A2M: variants seen among roughly 807,000 people sequenced by gnomAD.
A2M encodes alpha-2-macroglobulin.
Under a neutral mutation model 183.9 loss-of-function variants are expected in A2M, and 128 were observed. The observed-to-expected ratio is 0.70, with a 90% CI of 0.60 to 0.81. The LOEUF (loss-of-function observed/expected upper bound fraction) is 0.81. Among genes scored for constraint, A2M ranks in the 30% least tolerant of loss-of-function variants. The probability of loss-of-function intolerance (pLI) is 0.00; values close to 1 mark genes in which losing one functional copy is unlikely to be tolerated. For missense variants in A2M, 1,495 were observed against 1,787.6 expected (o/e 0.84, Z 2.95); for synonymous variants, 592 against 670.8 (o/e 0.88, Z 1.81).
At position 9,109,424 on chromosome 12, in the gene A2M, G is replaced by A. The variant is rs1938555646; in HGVS notation, c.674-19C>T. ...GGAAGAACTGTTGATTGGTGATAAA[G>A]AAGGTTGGTGATTGGTTTTCAACTT... On this transcript the variant is annotated intron_variant, in intron 6 of 35. Coordinates refer to ENST00000318602, the MANE Select transcript of A2M (RefSeq NM_000014.6). 6.3e-7 allele frequency: 1 copy of A among 1,592,386 alleles called. No individual in the cohort carries two copies. Among genetic ancestry groups the A allele is most frequent in the Admixed American group, 1.7e-5 (1 of 59,476 alleles).
intron 13 of A2M, 57 bp from the exon 14 acceptor site, chr12:9,099,580 G>A (rs1338237589): frequency 9.7e-6 from 15 of 1,545,026 alleles, no homozygotes; most frequent in Non-Finnish European, 1.3e-5. Context: ...ATTTCCATTA[G>A]TAGATGTAAC....
chr12:9,090,279 G>A (rs1261774623), intron 20 of A2M, 77 bp downstream of exon 20: 7 of 1,596,722 alleles, frequency 4.4e-6, no homozygotes, highest in South Asian at 1.1e-5. Flanking sequence ...CCTGAAGGAA[G>A]TAGCACTCAA....
chr12:9,079,245 A>G lies in A2M; in HGVS notation c.3118T>C (p.Trp1040Arg). ...CTCAAAAAATTGTTCTTTCCTTACC[A>G]GGTGTTGCCCTGGTTCCTGCCATAT... ...ERYGRNQGNT[W>R]LTAFVLKTFA... Residue 1040 changes from tryptophan to arginine, a missense_variant and splice_region_variant, in exon 25 of 36, where the codon TGG becomes CGG. Physicochemically the swap from Trp to Arg is moderately radical, Grantham distance 101. Coordinates refer to ENST00000318602, the MANE Select transcript of A2M (RefSeq NM_000014.6). 6.2e-7 allele frequency: 1 copy of G among 1,613,018 alleles called. No homozygotes were observed. Among genetic ancestry groups the G allele is most frequent in the Non-Finnish European group, 8.5e-7 (1 of 1,179,470 alleles).
chr12:9,113,641 T>C, intron 1 of A2M, 98 bp from the exon 2 acceptor site: 1 of 1,199,956 alleles, frequency 8.3e-7, no homozygotes, highest in South Asian at 1.4e-5. Context: ...TCATCAGTTC[T>C]ACACCAAGAG....
intron 1 of A2M, 90 bp from the exon 2 acceptor site, chr12:9,113,633 A>T: frequency 7.8e-7 from 1 of 1,280,360 alleles, no homozygotes. Flanking sequence ...AATTATCATC[A>T]TCAGTTCTAC....
intron 32 of A2M, 58 bp from the exon 33 acceptor site, chr12:9,069,871 C>G: frequency 6.6e-7 from 1 of 1,522,274 alleles, no homozygotes. Context: ...CTGGGGGATC[C>G]AGAGAAAAAA....
Position 9,106,587 on chromosome 12 carries a change from A to C in A2M, c.898T>G (p.Phe300Val). 6.3e-7 allele frequency: 1 copy of C among 1,578,940 alleles called. No individual in the cohort carries two copies. The highest frequency in any genetic ancestry group is 8.6e-7 in the Non-Finnish European group (1 of 1,158,446). ...ACCTTGGTTTTTACTTGCTGATAGA[A>C]GCAGCCATGGCTGTTTAGCTAAGAA... Reference protein sequence around the residue: ...FSGQLNSHGCFYQQVKTKVFQ... With the variant: ...FSGQLNSHGCVYQQVKTKVFQ... Residue 300 changes from phenylalanine (F) to valine (V), a missense_variant, in exon 9 of 36, where the codon TTC (phenylalanine) becomes GTC (valine). By Grantham distance (50) the Phe-to-Val change is conservative (BLOSUM62 -1). Coordinates refer to ENST00000318602, the MANE Select transcript of A2M (RefSeq NM_000014.6).
At chr12:9,101,256 C>T (rs759741601) in intron 12 of A2M, 49 bp from the exon 13 acceptor site, 2 of 1,523,478 alleles carry the variant, frequency 1.3e-6, no homozygotes, top group East Asian at 4.9e-5. Flanking sequence ...AGAGAACACG[C>T]TTCAGTCTCA....
Position 9,072,727 on chromosome 12 carries a change from G to T in A2M, c.3901C>A (p.Gln1301Lys), listed in dbSNP as rs1368541010. Reference protein sequence around the residue: ...QVDNNNRLLLQQVSLPELPGE... With the variant: ...QVDNNNRLLLKQVSLPELPGE... ...GGCAGCTCTGGCAATGAGACCTGCT[G>T]CAGTAACAGGCGGTTGTTGTTGTCC... The change falls in exon 30 of 36, where the codon CAG (glutamine) becomes AAG (lysine). Residue 1301 changes from glutamine (Q) to lysine (K), a missense_variant. Physicochemically the swap from Gln to Lys is moderately conservative, Grantham distance 53. Transcript: ENST00000318602. 3.1e-6 allele frequency: 5 copies of T among 1,614,074 alleles called. No homozygotes were observed. The highest frequency in any genetic ancestry group is 1.3e-5 in the African/African-American group (1 of 74,912).
At chr12:9,110,248 G>T in intron 5 of A2M, 66 bp downstream of exon 5, 1 of 1,314,486 alleles carries the variant, frequency 7.6e-7, no homozygotes, top group Non-Finnish European at 1.0e-6. Context: ...AAAAACCTCT[G>T]AAATAAGAAC....
chr12:9,114,718 T>C (rs1487453456), intron 1 of A2M, among the ~76,000 whole-genome samples: 1 of 114,444 alleles, frequency 8.7e-6, no homozygotes, highest in Non-Finnish European at 1.8e-5. Context: ...TATACATATA[T>C]GAATACATAT....
In A2M at chr12:9,076,953, A is replaced by G. The variant is rs1191136553; in HGVS notation, c.3352-17T>C. 6.4e-7 allele frequency: 1 copy of G among 1,560,546 alleles called. No homozygotes were observed. Among genetic ancestry groups the G allele is most frequent in the Admixed American group, 1.8e-5 (1 of 54,346 alleles). On this transcript the variant is annotated splice_polypyrimidine_tract_variant and intron_variant, in intron 27 of 35. Coordinates refer to ENST00000318602, the MANE Select transcript of A2M (RefSeq NM_000014.6). ...AACAGGGTGCTGTGAAGGCAGAACAAGAAGGGAACTAAGCTATGTAAACAG... is the reference window on the plus strand; with the variant it reads ...AACAGGGTGCTGTGAAGGCAGAACAGGAAGGGAACTAAGCTATGTAAACAG...
Position 9,112,469 on chromosome 12 carries a change from T to G in A2M, c.338A>C (p.Glu113Ala). ...LTVQVKGPTQ[E>A]FKKRTTVMVK... ...CATCACTGTGGTCCGCTTCTTAAAT[T>G]CTTGGGTTGGTCCTTTCACTTGGAC... Residue 113 changes from glutamate to alanine, a missense_variant, in exon 3 of 36, where the codon GAA (glutamate) becomes GCA (alanine). Coordinates refer to ENST00000318602, the MANE Select transcript of A2M (RefSeq NM_000014.6). 6.2e-7 allele frequency: 1 copy of G among 1,613,878 alleles called. No homozygotes were observed. Among genetic ancestry groups the G allele is most frequent in the Non-Finnish European group, 8.5e-7 (1 of 1,179,832 alleles).
intron 11 of A2M, 125 bp downstream of exon 11, chr12:9,104,114 G>T: frequency 1.0e-6 from 1 of 963,706 alleles, no homozygotes; most frequent in Non-Finnish European, 1.5e-6. Context: ...CCTTCAATCG[G>T]TTTCTAATTG....
At position 9,099,421 on chromosome 12, in the gene A2M, T is replaced by A. The variant is rs1297188664; in HGVS notation, c.1661A>T (p.Asp554Val). ...AVLPTGDVIG[D>V]SAKYDVENCL... ...ATTTTCAACATCATATTTTGCAGAA[T>A]CCCCAATCACGTCCCCGGTAGGTAA... Residue 554 changes from aspartate to valine, a missense_variant, in exon 14 of 36, where the codon GAT becomes GTT. Transcript: ENST00000318602. The A allele has an allele frequency of 8.2e-6, 13 of 1,578,998 alleles. No individual in the cohort carries two copies. Among genetic ancestry groups the A allele is most frequent in the Non-Finnish European group, 9.5e-6 (11 of 1,162,072 alleles).
rs764250179 is a variant in A2M, at chr12:9,106,540, C to T, written c.945G>A (p.Glu315=). The T allele has an allele frequency of 6.3e-7, 1 of 1,598,602 alleles. No homozygotes were observed. The highest frequency in any genetic ancestry group is 1.7e-5 in the Admixed American group (1 of 58,044). Residue 315 remains glutamate (E), a synonymous_variant, in exon 9 of 36, where the codon GAG becomes GAA. Coordinates refer to ENST00000318602, the MANE Select transcript of A2M (RefSeq NM_000014.6). ...KTKVFQLKRK[E]YEMKLHTEAQ... is the part of the protein sequence containing the mutation. ...CCTCAGTGTGAAGTTTCATTTCATA[C>T]TCCTTCCTCTTCAGCTGGAAGACCT...
At chr12:9,107,809 A>G (rs1247906853) in intron 7 of A2M, among the ~76,000 whole-genome samples, 165 bp from the exon 8 acceptor site, 4 of 152,212 alleles carry the variant, frequency 2.6e-5, no homozygotes, top group Non-Finnish European at 2.9e-5. Flanking sequence ...AATGGCTCTT[A>G]TAGAAATCTC....
chr12:9,104,738 A>G (rs1253760093), intron 10 of A2M, among the ~76,000 whole-genome samples: 1 of 152,238 alleles, frequency 6.6e-6, no homozygotes, highest in African/African-American at 2.4e-5. Context: ...GCTGTGTATT[A>G]TTATATATAA....
intron 15 of A2M, among the ~76,000 whole-genome samples, chr12:9,098,024 GTTGAAACTAGT>G (rs1335900952): frequency 2.0e-5 from 3 of 152,234 alleles, no homozygotes; most frequent in African/African-American, 7.2e-5. Context: ...TTTTTGAAAT[GTTGAAACTAGT>G]TTGACAACTC....
Sources: gnomAD v4.1 joint callset for allele counts (sites outside exome capture counted in the v4.1 genomes callset) on GRCh38, gnomAD v4.1.1 for gene constraint, MANE v1.5 for transcripts, NCBI Gene and HGNC (gene_info 2026-07-23, HGNC 2026-07-21) for gene names.